Variants in GRM1 observed in about 807,000 individuals in gnomAD.
GRM1 encodes the protein glutamate metabotropic receptor 1, also known as metabotropic glutamate receptor 1.
A neutral mutation model predicts 90.9 loss-of-function variants in GRM1; 33 were observed. That is an observed-to-expected ratio of 0.36 (90% CI 0.28 to 0.49). The LOEUF (loss-of-function observed/expected upper bound fraction) is 0.49, where lower values mean the gene tolerates loss of function less well. Ranked by LOEUF, GRM1 falls within the 20% of genes least tolerant of loss-of-function variation. GRM1 has a pLI of 0.99. For synonymous variants in GRM1, 700 were observed against 613.2 expected, an observed-to-expected ratio of 1.14 and a Z score of -2.09; for missense variants, 1,190 against 1,534.3, an observed-to-expected ratio of 0.78 and a Z score of 3.75.
At chr6:146,261,199 G>T (rs1781683704) in intron 2 of GRM1, among the ~76,000 whole-genome samples, 1 of 152,090 alleles carries the variant, frequency 6.6e-6, no homozygotes, top group Admixed American at 6.6e-5. Flanking sequence ...CAGGGATGAA[G>T]CAAAAATAAA....
At chr6:146,211,402 A>T (rs1779684146) in intron 2 of GRM1, among the ~76,000 whole-genome samples, 1 of 152,038 alleles carries the variant, frequency 6.6e-6, no homozygotes. Context: ...CCATTATAGG[A>T]GATGGACAGT....
At position 146,433,967 on chromosome 6, in the gene GRM1, C is replaced by G. The variant is rs536808733; in HGVS notation, c.2756C>G (p.Thr919Ser). The G allele has an allele frequency of 6.2e-7, 1 of 1,613,980 alleles. No homozygotes were observed. The highest frequency in any genetic ancestry group is 1.1e-5 in the South Asian group (1 of 91,078). ...CACCGCCTCTCTGTGCACGTGAAGACCAATGAGACGGCCTGCAACCAAACA... is the reference window on the plus strand; with the variant it reads ...CACCGCCTCTCTGTGCACGTGAAGAGCAATGAGACGGCCTGCAACCAAACA... ...MWHRLSVHVK[T>S]NETACNQTAV... Residue 919 changes from threonine to serine, a missense_variant, in exon 8 of 8, where the codon ACC becomes AGC. Thr to Ser is a moderately conservative substitution (Grantham distance 58). Around this residue, in one of 10 missense-constraint regions of GRM1, gnomAD observed 400 missense variants for 360.8 expected, o/e 1.11. Coordinates refer to ENST00000282753, the MANE Select transcript of GRM1 (RefSeq NM_001278064.2).
chr6:146,188,818 T>A (rs1178512628), intron 2 of GRM1, among the ~76,000 whole-genome samples: 2 of 152,198 alleles, frequency 1.3e-5, no homozygotes, highest in African/African-American at 4.8e-5. Flanking sequence ...AGAAACTCTT[T>A]TAAATCTAGA....
At chr6:146,346,072 C>T (rs934669365) in intron 3 of GRM1, among the ~76,000 whole-genome samples, 20 of 152,240 alleles carry the variant, frequency 1.3e-4, no homozygotes, top group Non-Finnish European at 2.4e-4. Context: ...TGATCCTCGG[C>T]ATCACTTTAA....
Position 146,349,520 on chromosome 6 carries a change from C to T in GRM1, c.1187-2730C>T, listed in dbSNP as rs936496716. On this transcript the variant is annotated intron_variant, in intron 3 of 7. Coordinates refer to ENST00000282753, the MANE Select transcript of GRM1 (RefSeq NM_001278064.2). Reference sequence around the variant, plus strand: ...TTTAGTGAGGTCTACTCTAACCAATCGACATGATACTGTCTCAACATACCC... The same window carrying T: ...TTTAGTGAGGTCTACTCTAACCAATTGACATGATACTGTCTCAACATACCC... 1.6e-4 allele frequency among the ~76,000 whole-genome samples: 25 copies of T among 152,102 alleles called. 1 individual carries two copies. Among genetic ancestry groups the T allele is most frequent in the Admixed American group, 1.3e-4 (2 of 15,264 alleles).
intron 1 of GRM1, among the ~76,000 whole-genome samples, chr6:146,153,694 C>A (rs947573901): frequency 2.0e-5 from 3 of 152,074 alleles, no homozygotes; most frequent in African/African-American, 7.2e-5. Context: ...GCTGGGCTTA[C>A]AAGGTGATGG....
At chr6:146,137,710 G>A (rs184881886) in intron 1 of GRM1, among the ~76,000 whole-genome samples, 2 of 152,194 alleles carry the variant, frequency 1.3e-5, no homozygotes, top group East Asian at 3.9e-4. Context: ...TTGGTATTTT[G>A]ATAGGGCTCA....
intron 2 of GRM1, among the ~76,000 whole-genome samples, chr6:146,284,062 T>C (rs1163716336): frequency 6.6e-6 from 1 of 152,206 alleles, no homozygotes; most frequent in Non-Finnish European, 1.5e-5. Context: ...CTTGGGCCTC[T>C]ATCTGTGGAA....
intron 2 of GRM1, among the ~76,000 whole-genome samples, chr6:146,194,112 T>C (rs1779029909): frequency 6.6e-6 from 1 of 152,204 alleles, no homozygotes; most frequent in Non-Finnish European, 1.5e-5. Flanking sequence ...ATGTTTTAAT[T>C]TGCATATCTC....
At chr6:146,290,607 C>T (rs1278013904) in intron 2 of GRM1, among the ~76,000 whole-genome samples, 2 of 152,054 alleles carry the variant, frequency 1.3e-5, no homozygotes, top group Admixed American at 6.6e-5. Context: ...AAATTGCTTG[C>T]GATTGGTGAC....
At position 146,282,773 on chromosome 6, in the gene GRM1, A is replaced by G. The variant is rs190035198; in HGVS notation, c.951-21838A>G. 2.0e-5 allele frequency among the ~76,000 whole-genome samples: 3 copies of G among 152,326 alleles called. No individual in the cohort carries two copies. In the East Asian group the frequency reaches 5.8e-4, roughly 29 times the overall value. The stretch of plus-strand genomic sequence containing the variant: ...TAATAAAAAAAGGATGTAAAATGTT[A>G]GGTCTCATTATGAATCATTTCAAAC... On this transcript the variant is annotated intron_variant, in intron 2 of 7. Coordinates refer to ENST00000282753, the MANE Select transcript of GRM1 (RefSeq NM_001278064.2).
chr6:146,111,845 A>G (rs1386496368), intron 1 of GRM1, among the ~76,000 whole-genome samples: 2 of 152,252 alleles, frequency 1.3e-5, no homozygotes, highest in African/African-American at 4.8e-5. Context: ...GGATTAACAC[A>G]GAAAAGCTCG....
chr6:146,174,107 A>AT (rs1013374471), intron 2 of GRM1, among the ~76,000 whole-genome samples: 17 of 152,092 alleles, frequency 1.1e-4, no homozygotes, highest in South Asian at 6.2e-4. Flanking sequence ...ATTTCTATAC[A>AT]TTTTTAAGAC....
intron 2 of GRM1, among the ~76,000 whole-genome samples, chr6:146,162,439 A>T (rs369246099): frequency 2.0e-5 from 3 of 152,264 alleles, no homozygotes; most frequent in African/African-American, 7.2e-5. Flanking sequence ...ACATATTCAG[A>T]TGTGGACAAC....
chr6:146,135,210 A>G (rs1476882180), intron 1 of GRM1, among the ~76,000 whole-genome samples: 2 of 152,228 alleles, frequency 1.3e-5, no homozygotes, highest in Non-Finnish European at 2.9e-5. Context: ...CAAGGAGATT[A>G]GCTGACTTAC....
At chr6:146,208,636 G>A (rs1779574734) in intron 2 of GRM1, among the ~76,000 whole-genome samples, 1 of 151,908 alleles carries the variant, frequency 6.6e-6, no homozygotes, top group Admixed American at 6.6e-5. Context: ...GAAGTTGTTA[G>A]GAATTTTACC....
intron 1 of GRM1, among the ~76,000 whole-genome samples, chr6:146,057,423 A>G (rs1183376628): frequency 2.0e-5 from 3 of 152,228 alleles, no homozygotes; most frequent in East Asian, 1.9e-4. Flanking sequence ...AACCTTGAAA[A>G]CGGCACACCT....
chr6:146,275,834 T>C (rs1470032762), intron 2 of GRM1, among the ~76,000 whole-genome samples: 1 of 152,230 alleles, frequency 6.6e-6, no homozygotes, highest in Non-Finnish European at 1.5e-5. Context: ...ATTTTATCAT[T>C]CCATATAATT....
chr6:146,140,188 C>T (rs528462088), intron 1 of GRM1, among the ~76,000 whole-genome samples: 3 of 130,190 alleles, frequency 2.3e-5, no homozygotes, highest in African/African-American at 8.8e-5. Flanking sequence ...TCTTTCCTGT[C>T]TACATTTTAG....
Sources: gnomAD v4.1 joint callset for allele counts (sites outside exome capture counted in the v4.1 genomes callset) on GRCh38, gnomAD v4.1.1 for gene constraint, gnomAD v4.1.1 regional missense constraint, MANE v1.5 for transcripts, NCBI Gene and HGNC (gene_info 2026-07-23, HGNC 2026-07-21) for gene names.